Variants in KCNK1 observed in about 807,000 individuals in gnomAD.
The protein encoded by KCNK1 is potassium two pore domain channel subfamily K member 1.
Under a neutral mutation model 22.2 loss-of-function variants are expected in KCNK1, and 10 were observed. That is an observed-to-expected ratio of 0.45 (90% CI 0.28 to 0.76). KCNK1 has a LOEUF of 0.76. Ranked by LOEUF, KCNK1 falls within the 30% of genes least tolerant of loss-of-function variation. KCNK1 has a pLI of 0.14. For synonymous variants in KCNK1, 200 were observed against 186.4 expected (o/e 1.07, Z -0.60); for missense variants, 378 against 421.0 (o/e 0.90, Z 0.89).
At position 233,644,689 on chromosome 1, in the gene KCNK1, G is replaced by A. The variant is rs556127608; in HGVS notation, c.356-21906G>A. Among the ~76,000 whole-genome samples, 18 of 152,128 alleles carry A rather than the reference G, an allele frequency of 1.2e-4. No homozygotes were observed. The South Asian group carries it at 1.5e-3, about 12-fold the overall frequency. On this transcript the variant is annotated intron_variant, in intron 1 of 2. Transcript: ENST00000366621. The stretch of plus-strand genomic sequence containing the variant: ...GCATCAAACCAGGGGAACAGTGAGT[G>A]CAAAGGCCCTGAGCTAGGATCTCAA...
chr1:233,663,702 G>T (rs1269622414), intron 1 of KCNK1, among the ~76,000 whole-genome samples: 2 of 152,160 alleles, frequency 1.3e-5, no homozygotes, highest in Non-Finnish European at 2.9e-5. Flanking sequence ...CAAAATCAGT[G>T]CCAAAGCTAA....
At position 233,666,860 on chromosome 1, in the gene KCNK1, G is replaced by A. The variant is rs1324551431; in HGVS notation, c.621G>A (p.Glu207=). 5 of 1,614,108 alleles carry A rather than the reference G, an allele frequency of 3.1e-6. No individual in the cohort carries two copies. The highest frequency in any genetic ancestry group is 3.4e-6 in the Non-Finnish European group (4 of 1,180,032). ...FIPAAVFSVL[E]DDWNFLESFY... is the part of the protein sequence containing the mutation. ...CGGCCGCTGTCTTCTCAGTCCTGGA[G>A]GATGACTGGAACTTCCTGGAATCCT... Residue 207 remains glutamate, a synonymous_variant, in exon 2 of 3, where the codon GAG becomes GAA. Coordinates refer to ENST00000366621, the MANE Select transcript of KCNK1 (RefSeq NM_002245.4).
At chr1:233,624,802 G>A (rs1657656140) in intron 1 of KCNK1, among the ~76,000 whole-genome samples, 1 of 152,156 alleles carries the variant, frequency 6.6e-6, no homozygotes. Context: ...GATATAAAGA[G>A]AAGAGAGGCA....
chr1:233,627,212 C>G (rs1339709720), intron 1 of KCNK1, among the ~76,000 whole-genome samples: 1 of 152,164 alleles, frequency 6.6e-6, no homozygotes, highest in African/African-American at 2.4e-5. Flanking sequence ...GCTCCTTGCT[C>G]ATTATTGATC....
At chr1:233,659,378 A>G (rs890078115) in intron 1 of KCNK1, among the ~76,000 whole-genome samples, 9 of 150,416 alleles carry the variant, frequency 6.0e-5, no homozygotes, top group African/African-American at 2.0e-4. Context: ...TTCCTCCTGA[A>G]GGACTTTCCT....
chr1:233,626,265 G>A (rs913409647), intron 1 of KCNK1, among the ~76,000 whole-genome samples: 12 of 152,204 alleles, frequency 7.9e-5, no homozygotes, highest in African/African-American at 2.2e-4. Flanking sequence ...AATGACCCCC[G>A]GGTTTCTGAC....
chr1:233,669,078 C>T (rs1255640985), intron 2 of KCNK1, among the ~76,000 whole-genome samples: 1 of 152,142 alleles, frequency 6.6e-6, no homozygotes, highest in East Asian at 1.9e-4. Context: ...GTGACAGTTT[C>T]AGCACTCCTG....
chr1:233,648,142 C>G (rs1008179148), intron 1 of KCNK1, among the ~76,000 whole-genome samples: 1 of 152,168 alleles, frequency 6.6e-6, no homozygotes, highest in African/African-American at 2.4e-5. Context: ...CCTCTGTATT[C>G]TAATTCATTT....
chr1:233,640,516 A>G (rs1657982252), intron 1 of KCNK1, among the ~76,000 whole-genome samples: 1 of 152,236 alleles, frequency 6.6e-6, no homozygotes, highest in Admixed American at 6.5e-5. Flanking sequence ...TTAATGATCA[A>G]GTGAATTGAC....
intron 1 of KCNK1, among the ~76,000 whole-genome samples, chr1:233,627,301 A>G (rs1657705720): frequency 6.6e-6 from 1 of 152,248 alleles, no homozygotes; most frequent in Admixed American, 6.5e-5. Flanking sequence ...GAAGGGAAAT[A>G]AAGTGTTTTA....
intron 1 of KCNK1, chr1:233,661,837 T>A (rs1658397823): frequency 6.6e-6 from 1 of 152,198 alleles, no homozygotes; most frequent in South Asian, 2.1e-4. Context: ...TTTAAAAATA[T>A]GAAACAACTT....
chr1:233,671,487 C>A lies in KCNK1; in HGVS notation c.968C>A (p.Ala323Asp). The change falls in exon 3 of 3, where the codon GCC becomes GAC. Residue 323 changes from alanine to aspartate, a missense_variant. By Grantham distance (126) the Ala-to-Asp change is moderately radical. Transcript: ENST00000366621. ...CAGAAGCAAAATGAGCCTTTTGTGG[C>A]CACCCAGTCATCTGCCTGCGTGGAT... The part of the protein sequence containing the change: ...EDQKQNEPFV[A>D]TQSSACVDGP... 6.2e-7 allele frequency: 1 copy of A among 1,614,134 alleles called. No homozygotes were observed. Among genetic ancestry groups the A allele is most frequent in the Non-Finnish European group, 8.5e-7 (1 of 1,180,024 alleles).
At chr1:233,633,472 T>G (rs1219705952) in intron 1 of KCNK1, among the ~76,000 whole-genome samples, 1 of 152,178 alleles carries the variant, frequency 6.6e-6, no homozygotes, top group Non-Finnish European at 1.5e-5. Context: ...TATTCTTGAA[T>G]CTGAGAATAT....
At chr1:233,668,928 C>CAA (rs1252122718) in intron 2 of KCNK1, among the ~76,000 whole-genome samples, 1 of 152,118 alleles carries the variant, frequency 6.6e-6, no homozygotes, top group Non-Finnish European at 1.5e-5. Context: ...TATATATACA[C>CAA]ATTTCCTCCT....
chr1:233,669,047 C>T (rs1187546263), intron 2 of KCNK1, among the ~76,000 whole-genome samples: 3 of 152,184 alleles, frequency 2.0e-5, no homozygotes, highest in African/African-American at 7.2e-5. Context: ...TGAGTTGACA[C>T]GTCACCAGCA....
At chr1:233,617,756 G>A (rs969743007) in intron 1 of KCNK1, among the ~76,000 whole-genome samples, 2 of 152,152 alleles carry the variant, frequency 1.3e-5, no homozygotes, top group Admixed American at 6.5e-5. Flanking sequence ...CTAGGCAACA[G>A]AGTGAGACCT....
chr1:233,671,404 G>A lies in KCNK1; in HGVS notation c.885G>A (p.Glu295=), dbSNP rs747965353. ...DKDEDQVHII[E]HDQLSFSSIT... ...ACGAGGATCAGGTGCACATCATAGA[G>A]CATGACCAACTGTCCTTCTCCTCGA... Residue 295 remains glutamate (E), a synonymous_variant, in exon 3 of 3, where the codon GAG becomes GAA. Transcript: ENST00000366621. The A allele has an allele frequency of 1.1e-5, 17 of 1,614,170 alleles. No homozygotes were observed. The South Asian group carries it at 1.8e-4, about 17-fold the overall frequency.
intron 1 of KCNK1, among the ~76,000 whole-genome samples, chr1:233,626,109 CA>C (rs987590811): frequency 2.0e-5 from 3 of 149,240 alleles, no homozygotes; most frequent in Non-Finnish European, 4.4e-5. Context: ...TCTGATGACC[CA>C]GGGGGTCATC....
chr1:233,641,897 C>T (rs542230590), intron 1 of KCNK1, among the ~76,000 whole-genome samples: 29 of 152,278 alleles, frequency 1.9e-4, no homozygotes, highest in Middle Eastern at 3.4e-3. Flanking sequence ...CAGGGAGCCG[C>T]TTGGGCAGCA....
Sources: allele counts gnomAD v4.1 joint callset (sites outside exome capture counted in the v4.1 genomes callset), GRCh38; gene constraint gnomAD v4.1.1; transcripts MANE v1.5; gene names NCBI Gene and HGNC (gene_info 2026-07-23, HGNC 2026-07-21).